The following BBS12 variants were observed in gnomAD, a reference collection of about 807,000 sequenced individuals.
BBS12 encodes the protein Bardet-Biedl syndrome 12.
A neutral mutation model predicts 5.6 loss-of-function variants in BBS12; 5 were observed. The ratio of observed to expected loss-of-function variants is 0.89; its 90% confidence interval spans 0.46 to 1.86. The LOEUF is 1.86. BBS12 is among the 40% of genes most tolerant of loss of function. BBS12 has a pLI of 0.01. For synonymous variants in BBS12, 308 were observed against 306.8 expected, an observed-to-expected ratio of 1.00 and a Z score of -0.04; for missense variants, 748 against 830.4, an observed-to-expected ratio of 0.90 and a Z score of 1.22.
chr4:122,701,821 G>A, the BBS12 span, among the ~76,000 whole-genome samples: 1 of 152,108 alleles, frequency 6.6e-6, no homozygotes, highest in Non-Finnish European at 1.5e-5. Context: ...CCAAACTAAA[G>A]TAAAAATCCA....
Position 122,743,667 on chromosome 4 carries a change from C to A in BBS12, c.1775C>A (p.Ala592Glu). 2 of 1,614,146 alleles carry A rather than the reference C, an allele frequency of 1.2e-6. No individual in the cohort carries two copies. The highest frequency in any genetic ancestry group is 2.7e-5 in the African/African-American group (2 of 75,032). Residue 592 changes from alanine (A) to glutamate (E), a missense_variant, in exon 2 of 2, where the codon GCA becomes GAA. Ala to Glu is a moderately radical substitution (Grantham distance 107, BLOSUM62 -1). Transcript: ENST00000314218. ...AGACCAACTGTGCTTAAATTCCTGG[C>A]AAATGGATGGCAGAAATACCTTTCA... Reference protein sequence around the residue: ...IYRPTVLKFLANGWQKYLSTL... With the variant: ...IYRPTVLKFLENGWQKYLSTL...
At chr4:122,716,501 A>T in the BBS12 span, among the ~76,000 whole-genome samples, 1 of 151,076 alleles carries the variant, frequency 6.6e-6, no homozygotes, top group Non-Finnish European at 1.5e-5. Context: ...TTAGAAAAAA[A>T]GTTGTAAAAG....
the BBS12 span, among the ~76,000 whole-genome samples, chr4:122,727,214 T>C: frequency 1.6e-4 from 25 of 152,328 alleles, no homozygotes; most frequent in Middle Eastern, 6.8e-3. Context: ...CTCTTTTGTA[T>C]ATAAAATGCT....
the BBS12 span, among the ~76,000 whole-genome samples, chr4:122,721,774 C>G: frequency 6.6e-6 from 1 of 152,170 alleles, no homozygotes; most frequent in Non-Finnish European, 1.5e-5. Flanking sequence ...GAAACTATAT[C>G]TCCTTTTCTA....
In BBS12 at chr4:122,744,017, T is replaced by C. The variant is rs1800946194; in HGVS notation, c.2125T>C (p.Phe709Leu). 1.2e-6 allele frequency: 2 copies of C among 1,612,968 alleles called. No individual in the cohort carries two copies. Among genetic ancestry groups the C allele is most frequent in the African/African-American group, 1.3e-5 (1 of 74,908 alleles). The change falls in exon 2 of 2, where the codon TTT (phenylalanine) becomes CTT (leucine). Residue 709 changes from phenylalanine to leucine, a missense_variant. By Grantham distance (22) the Phe-to-Leu change is conservative (BLOSUM62 0). Transcript: ENST00000314218. Reference sequence around the variant, plus strand: ...TTCACAGGAATTAACGGGCTTTCTATTTTTGTAGTGTTACTGGCTAAGTCT... The same window carrying C: ...TTCACAGGAATTAACGGGCTTTCTACTTTTGTAGTGTTACTGGCTAAGTCT... ...INSQELTGFL[F>L]L
At chr4:122,741,836 CTA>C (rs1180506201) in intron 1 of BBS12, 45 bp from the exon 2 acceptor site, 8 of 1,490,980 alleles carry the variant, frequency 5.4e-6, no homozygotes, top group African/African-American at 1.4e-5. Flanking sequence ...GCATTTATAA[CTA>C]TGAATTATAC....
chr4:122,724,600 A>G, the BBS12 span, among the ~76,000 whole-genome samples: 4 of 152,226 alleles, frequency 2.6e-5, no homozygotes, highest in Non-Finnish European at 4.4e-5. Context: ...AAAATTTATA[A>G]ATTTCAACAG....
chr4:122,743,915 C>A lies in BBS12; in HGVS notation c.2023C>A (p.Arg675=). 1 of 1,606,948 alleles carries A rather than the reference C, an allele frequency of 6.2e-7. No individual in the cohort carries two copies. Among genetic ancestry groups the A allele is most frequent in the Non-Finnish European group, 8.5e-7 (1 of 1,176,542 alleles). Residue 675 remains arginine, a synonymous_variant, in exon 2 of 2, where the codon CGA becomes AGA. Coordinates refer to ENST00000314218, the MANE Select transcript of BBS12 (RefSeq NM_152618.3). ...VVTPKIEAWR[R]ALDLVLLVLQ... Reference sequence around the variant, plus strand: ...TACACCAAAGATTGAGGCGTGGCGCCGAGCATTGGATTTAGTATTGTTAGT... The same window carrying A: ...TACACCAAAGATTGAGGCGTGGCGCAGAGCATTGGATTTAGTATTGTTAGT...
chr4:122,736,534 A>G (rs1800785954), intron 1 of BBS12, among the ~76,000 whole-genome samples: 1 of 152,204 alleles, frequency 6.6e-6, no homozygotes, highest in Admixed American at 6.5e-5. Context: ...TCTGATGTCA[A>G]AATTCCAGTT....
At chr4:122,736,400 A>G (rs781305157) in intron 1 of BBS12, among the ~76,000 whole-genome samples, 5 of 152,188 alleles carry the variant, frequency 3.3e-5, no homozygotes, top group African/African-American at 4.8e-5. Context: ...AAGGCTAATC[A>G]TGCCCATCAA....
At position 122,743,888 on chromosome 4, in the gene BBS12, G is replaced by T. The variant is rs570653139; in HGVS notation, c.1996G>T (p.Val666Phe). 6.2e-7 allele frequency: 1 copy of T among 1,604,806 alleles called. No homozygotes were observed. Among genetic ancestry groups the T allele is most frequent in the East Asian group, 2.2e-5 (1 of 44,844 alleles). ...GCAGATTCCGAGAGTTTATGACGTT[G>T]TTACACCAAAGATTGAGGCGTGGCG... ...LEQIPRVYDV[V>F]TPKIEAWRRA... Residue 666 changes from valine (V) to phenylalanine (F), a missense_variant, in exon 2 of 2, where the codon GTT (valine) becomes TTT (phenylalanine). Physicochemically the swap from Val to Phe is conservative, Grantham distance 50. Coordinates refer to ENST00000314218, the MANE Select transcript of BBS12 (RefSeq NM_152618.3).
At chr4:122,705,191 C>T in the BBS12 span, among the ~76,000 whole-genome samples, 5 of 152,346 alleles carry the variant, frequency 3.3e-5, no homozygotes, top group African/African-American at 1.2e-4. Flanking sequence ...TACCTGGATA[C>T]ATAACTTGAA....
chr4:122,701,157 G>T, the BBS12 span, among the ~76,000 whole-genome samples: 1 of 152,256 alleles, frequency 6.6e-6, no homozygotes, highest in East Asian at 1.9e-4. Context: ...GGTAAAACAT[G>T]AAAACAATCA....
the BBS12 span, among the ~76,000 whole-genome samples, chr4:122,722,559 C>T: frequency 6.6e-6 from 1 of 152,112 alleles, no homozygotes; most frequent in Non-Finnish European, 1.5e-5. Context: ...TTTATGTCTT[C>T]TTTAGTTTCT....
Position 122,732,859 on chromosome 4 carries a change from C to T in BBS12, c.-36C>T, listed in dbSNP as rs1578483779. ...GGTGGGAAGCCGGGAACTCCAGCCC[C>T]CTGTAGGAGAGGAGAAAGGAGCGAG... On this transcript the variant is annotated 5_prime_UTR_variant, in exon 1 of 2. Coordinates refer to ENST00000314218, the MANE Select transcript of BBS12 (RefSeq NM_152618.3). 1 of 152,496 alleles carries T rather than the reference C, an allele frequency of 6.6e-6. No individual in the cohort carries two copies. Among genetic ancestry groups the T allele is most frequent in the African/African-American group, 2.4e-5 (1 of 41,596 alleles). 9.4% of individuals were successfully genotyped at this position (152,496 alleles called of 1,614,324 possible).
In BBS12 at chr4:122,742,607, A is replaced by T. The variant is rs1800898589; in HGVS notation, c.715A>T (p.Arg239Trp). 2 of 1,614,134 alleles carry T rather than the reference A, an allele frequency of 1.2e-6. No individual in the cohort carries two copies. Among genetic ancestry groups the T allele is most frequent in the Admixed American group, 3.3e-5 (2 of 60,012 alleles). The change falls in exon 2 of 2, where the codon AGG becomes TGG. Residue 239 changes from arginine (R) to tryptophan (W), a missense_variant. Physicochemically the swap from Arg to Trp is moderately radical, Grantham distance 101. Transcript: ENST00000314218. ...ACTAATCCACAGTAGGCATTTTAAT[A>T]GGACAGATAATACTGAAGGGGTAAG... is the stretch of plus-strand genomic sequence containing the variant. ...SILIHSRHFNRTDNTEGVSKP... is the reference protein window; with the variant it reads ...SILIHSRHFNWTDNTEGVSKP...
chr4:122,739,932 T>A (rs1800840769), intron 1 of BBS12, among the ~76,000 whole-genome samples: 1 of 152,236 alleles, frequency 6.6e-6, no homozygotes, highest in South Asian at 2.1e-4. Context: ...TGGTTTTCTT[T>A]AAGTGAATGA....
At chr4:122,710,703 G>GT in the BBS12 span, among the ~76,000 whole-genome samples, 1,754 of 146,660 alleles carry the variant, frequency 0.012, 24 homozygotes, top group African/African-American at 0.034. Context: ...GCATTTGTGC[G>GT]TTTTTTTTTT....
At chr4:122,734,265 C>A (rs1800751819) in intron 1 of BBS12, among the ~76,000 whole-genome samples, 1 of 151,618 alleles carries the variant, frequency 6.6e-6, no homozygotes, top group Non-Finnish European at 1.5e-5. Flanking sequence ...GTTTCAAGGT[C>A]ATACACTTTT....
Sources: gnomAD v4.1 joint callset for allele counts (sites outside exome capture counted in the v4.1 genomes callset) on GRCh38, gnomAD v4.1.1 for gene constraint, MANE v1.5 for transcripts, NCBI Gene and HGNC (gene_info 2026-07-23, HGNC 2026-07-21) for gene names.